The following SUPT3H variants were observed in gnomAD, a reference collection of about 807,000 sequenced individuals.
SUPT3H encodes the protein SPT3 homolog, SAGA and STAGA complex component.
In SUPT3H, 44 loss-of-function variants were observed where a neutral mutation model predicts 44.3. The ratio of observed to expected loss-of-function variants is 0.99; its 90% confidence interval spans 0.78 to 1.28. SUPT3H has a LOEUF of 1.28. Ranked by LOEUF, SUPT3H falls within the 50% of genes most tolerant of loss-of-function variation. The pLI is 0.00. For missense variants in SUPT3H, 380 were observed against 387.1 expected (o/e 0.98, Z 0.15); for synonymous variants, 124 against 125.6 (o/e 0.99, Z 0.09).
At position 44,876,648 on chromosome 6, in the gene SUPT3H, T is replaced by C. The variant is rs188278759; in HGVS notation, c.913-46791A>G. On this transcript the variant is annotated intron_variant, in intron 10 of 10. Transcript: ENST00000371459. Reference sequence around the variant, plus strand: ...TGCACATGTACCCTAAAACTTAAAGTATAATTTAAAAAAAAAATTAAAAAA... The same window carrying C: ...TGCACATGTACCCTAAAACTTAAAGCATAATTTAAAAAAAAAATTAAAAAA... Among the ~76,000 whole-genome samples the C allele has an allele frequency of 7.8e-3, 1,177 of 149,972 alleles. 15 individuals carry two copies. Among genetic ancestry groups the C allele is most frequent in the African/African-American group, 0.026 (1,077 of 40,762 alleles).
intron 2 of SUPT3H, among the ~76,000 whole-genome samples, chr6:45,221,532 C>T (rs1766055969): frequency 1.3e-5 from 2 of 151,874 alleles, no homozygotes; most frequent in Non-Finnish European, 2.9e-5. Context: ...AAAACATAAA[C>T]AAGAGTTATA....
At chr6:45,027,990 T>C (rs941129919) in intron 3 of SUPT3H, among the ~76,000 whole-genome samples, 3 of 152,180 alleles carry the variant, frequency 2.0e-5, no homozygotes, top group Non-Finnish European at 2.9e-5. Context: ...GTTCTGAAAA[T>C]TCGTGATGCT....
At chr6:44,999,996 T>C (rs1781799100) in intron 6 of SUPT3H, among the ~76,000 whole-genome samples, 1 of 152,012 alleles carries the variant, frequency 6.6e-6, no homozygotes, top group Non-Finnish European at 1.5e-5. Context: ...TACATTTCTA[T>C]TTCTATATAT....
chr6:45,197,422 C>A (rs1227254380), intron 2 of SUPT3H, among the ~76,000 whole-genome samples: 1 of 151,396 alleles, frequency 6.6e-6, no homozygotes, highest in Non-Finnish European at 1.5e-5. Flanking sequence ...CATGGTGTTT[C>A]TTCTTTACAT....
chr6:45,276,684 A>G (rs1777083460), intron 2 of SUPT3H, among the ~76,000 whole-genome samples: 1 of 152,204 alleles, frequency 6.6e-6, no homozygotes, highest in South Asian at 2.1e-4. Context: ...TCTTTATTAC[A>G]TCTCTCCCAT....
chr6:45,056,835 C>T (rs1200171254), intron 3 of SUPT3H, among the ~76,000 whole-genome samples: 1 of 151,900 alleles, frequency 6.6e-6, no homozygotes, highest in African/African-American at 2.4e-5. Flanking sequence ...TACAAGTTTC[C>T]CCCAAACCAA....
intron 5 of SUPT3H, among the ~76,000 whole-genome samples, chr6:45,013,359 T>G (rs548629827): frequency 1.3e-5 from 2 of 152,160 alleles, no homozygotes; most frequent in African/African-American, 2.4e-5. Flanking sequence ...AACTTAGGTA[T>G]GAACTTCCAC....
At chr6:44,881,102 G>T (rs1433319192) in intron 10 of SUPT3H, among the ~76,000 whole-genome samples, 1 of 152,096 alleles carries the variant, frequency 6.6e-6, no homozygotes, top group Admixed American at 6.5e-5. Flanking sequence ...ACACAGACTG[G>T]CACATTGGAT....
intron 9 of SUPT3H, among the ~76,000 whole-genome samples, chr6:44,948,735 G>A (rs1187297137): frequency 6.6e-6 from 1 of 151,978 alleles, no homozygotes; most frequent in Admixed American, 6.6e-5. Context: ...AAAAAGTCAG[G>A]AAACAACAGG....
intron 2 of SUPT3H, among the ~76,000 whole-genome samples, chr6:45,321,599 C>T (rs1018520671): frequency 2.0e-5 from 3 of 152,100 alleles, no homozygotes; most frequent in Non-Finnish European, 4.4e-5. Flanking sequence ...TCCAAGTTTT[C>T]TCAAATATCC....
chr6:44,934,200 T>C (rs1003977940), intron 9 of SUPT3H, among the ~76,000 whole-genome samples: 2 of 152,304 alleles, frequency 1.3e-5, no homozygotes, highest in South Asian at 4.1e-4. Flanking sequence ...TAGCAACCTC[T>C]ATGGATAGCA....
At chr6:45,156,310 T>C (rs1807808564) in intron 2 of SUPT3H, among the ~76,000 whole-genome samples, 1 of 152,274 alleles carries the variant, frequency 6.6e-6, no homozygotes, top group South Asian at 2.1e-4. Flanking sequence ...ACAAAAATGC[T>C]TTCAGTCTCC....
intron 2 of SUPT3H, among the ~76,000 whole-genome samples, chr6:45,187,435 C>T (rs1040104528): frequency 2.6e-5 from 4 of 151,912 alleles, no homozygotes; most frequent in African/African-American, 2.4e-5. Flanking sequence ...AAAGACAACC[C>T]ACACACAGAT....
intron 2 of SUPT3H, chr6:45,322,010 T>G: frequency 1.6e-6 from 1 of 612,032 alleles, no homozygotes; most frequent in Non-Finnish European, 2.8e-6. Context: ...CCCAAGAAGT[T>G]TTAATATTGT....
intron 6 of SUPT3H, among the ~76,000 whole-genome samples, chr6:44,971,234 AC>A (rs965772153): frequency 6.6e-6 from 1 of 152,062 alleles, no homozygotes; most frequent in Admixed American, 6.6e-5. Context: ...ACTAAAATAA[AC>A]CACTTTCATC....
At chr6:45,114,945 C>T (rs1800620027) in intron 2 of SUPT3H, among the ~76,000 whole-genome samples, 3 of 152,096 alleles carry the variant, frequency 2.0e-5, no homozygotes, top group Admixed American at 2.0e-4. Context: ...TTACCTCATC[C>T]AGAACTCATT....
Position 45,271,129 on chromosome 6 carries a change from G to C in SUPT3H, c.101+94072C>G, listed in dbSNP as rs1776068310. On this transcript the variant is annotated intron_variant, in intron 2 of 10. Coordinates refer to ENST00000371459, the MANE Select transcript of SUPT3H (RefSeq NM_003599.4). ...AAAGGGAAATAGAGCATAAAAGTTT[G>C]GAAAATGTGCAGCCTGACAATGCGA... is the stretch of plus-strand genomic sequence containing the variant. 1.3e-5 allele frequency among the ~76,000 whole-genome samples: 2 copies of C among 152,200 alleles called. 1 individual carries two copies. The highest frequency in any genetic ancestry group is 4.1e-4 in the South Asian group (2 of 4,820).
At chr6:44,964,993 G>T (rs1037286510) in intron 6 of SUPT3H, among the ~76,000 whole-genome samples, 1 of 152,140 alleles carries the variant, frequency 6.6e-6, no homozygotes, top group Non-Finnish European at 1.5e-5. Flanking sequence ...ATTATAAAAA[G>T]CTGTCTTCAA....
At chr6:45,018,411 C>T (rs903279615) in intron 4 of SUPT3H, among the ~76,000 whole-genome samples, 2 of 150,974 alleles carry the variant, frequency 1.3e-5, no homozygotes, top group African/African-American at 4.9e-5. Flanking sequence ...GAGAGGGCAT[C>T]CCTGTCTTGT....
Sources: allele counts gnomAD v4.1 joint callset (sites outside exome capture counted in the v4.1 genomes callset), GRCh38; gene constraint gnomAD v4.1.1; transcripts MANE v1.5; gene names NCBI Gene and HGNC (gene_info 2026-07-23, HGNC 2026-07-21).